Variants in ACSM4 observed in about 807,000 individuals in gnomAD.
ACSM4 encodes the protein acyl-CoA synthetase medium chain family member 4.
Under a neutral mutation model 73.0 loss-of-function variants are expected in ACSM4, and 66 were observed. That is an observed-to-expected ratio of 0.90 (90% CI 0.74 to 1.11). The LOEUF (loss-of-function observed/expected upper bound fraction) is 1.11. ACSM4 is among the 50% of genes least tolerant of loss of function. The pLI is 0.00. For synonymous variants in ACSM4, 222 were observed against 254.0 expected (o/e 0.87, Z 1.20); for missense variants, 645 against 714.4 (o/e 0.90, Z 1.11).
intron 3 of ACSM4, among the ~76,000 whole-genome samples, chr12:7,316,351 C>A (rs1271874625): frequency 6.6e-6 from 1 of 152,156 alleles, no homozygotes; most frequent in Non-Finnish European, 1.5e-5. Context: ...TGTACTTGCA[C>A]AACAATACTT....
intron 12 of ACSM4, 126 bp from the exon 13 acceptor site, chr12:7,328,161 T>G: frequency 4.7e-6 from 3 of 636,248 alleles, no homozygotes; most frequent in African/African-American, 1.9e-5. Context: ...TGAAATTCAA[T>G]GAGCTTAGGC....
intron 7 of ACSM4, 36 bp downstream of exon 7, chr12:7,322,577 G>A (rs778683599): frequency 3.8e-6 from 6 of 1,574,340 alleles, no homozygotes; most frequent in Non-Finnish European, 5.2e-6. Flanking sequence ...AGTATATGTG[G>A]GGGCCTTTCT....
At chr12:7,317,086 T>C (rs927257742) in intron 3 of ACSM4, 51 bp from the exon 4 acceptor site, 1 of 1,565,600 alleles carries the variant, frequency 6.4e-7, no homozygotes, top group African/African-American at 1.4e-5. Context: ...AATATCAGAG[T>C]CAAACTGGTC....
Position 7,328,353 on chromosome 12 carries a change from C to A in ACSM4, c.1723C>A (p.Gln575Lys). Residue 575 changes from glutamine (Q) to lysine (K), a missense_variant, in exon 13 of 13, where the codon CAA becomes AAA. Transcript: ENST00000399422. ...GKIKRNVLRD[Q>K]EWRGR Reference sequence around the variant, plus strand: ...AATCAAACGCAACGTTTTAAGAGACCAAGAATGGAGAGGAAGATAGTTTGA... The same window carrying A: ...AATCAAACGCAACGTTTTAAGAGACAAAGAATGGAGAGGAAGATAGTTTGA... 6.3e-7 allele frequency: 1 copy of A among 1,591,638 alleles called. No individual in the cohort carries two copies. Among genetic ancestry groups the A allele is most frequent in the South Asian group, 1.1e-5 (1 of 86,994 alleles).
Position 7,304,398 on chromosome 12 carries a change from T to C in ACSM4, c.67T>C (p.Leu23=). The C allele has an allele frequency of 6.2e-7, 1 of 1,613,890 alleles. No individual in the cohort carries two copies. Among genetic ancestry groups the C allele is most frequent in the South Asian group, 1.1e-5 (1 of 91,086 alleles). ...GCTCACCAAGCCACCTGGCCGGCGC[T>C]TACACAAAGATCACCAGCTTTGGAC... ...IWLTKPPGRR[L]HKDHQLWTPL... The change falls in exon 1 of 13, where the codon TTA becomes CTA. Residue 23 remains leucine, a synonymous_variant. Coordinates refer to ENST00000399422, the MANE Select transcript of ACSM4 (RefSeq NM_001080454.2).
At chr12:7,317,406 G>A in intron 4 of ACSM4, 126 bp downstream of exon 4, 2 of 1,321,074 alleles carry the variant, frequency 1.5e-6, no homozygotes, top group African/African-American at 3.0e-5. Context: ...CTACAAAACA[G>A]AACTCTTGCT....
chr12:7,313,203 C>A (rs535806971), intron 3 of ACSM4, among the ~76,000 whole-genome samples: 13 of 152,068 alleles, frequency 8.5e-5, no homozygotes, highest in Non-Finnish European at 1.8e-4. Flanking sequence ...CTATTGAGTC[C>A]CCAAGAAACT....
intron 3 of ACSM4, among the ~76,000 whole-genome samples, chr12:7,311,691 T>C (rs1002337176): frequency 5.3e-5 from 8 of 152,148 alleles, no homozygotes; most frequent in Admixed American, 5.2e-4. Flanking sequence ...TTGTTGTTGT[T>C]GTTGTTGTTT....
chr12:7,317,329 G>A (rs1456593300), intron 4 of ACSM4, 49 bp downstream of exon 4: 43 of 1,511,384 alleles, frequency 2.8e-5, no homozygotes, highest in Non-Finnish European at 3.7e-5. Flanking sequence ...CCAAAGCTGC[G>A]AATATGCGTA....
At chr12:7,321,044 T>C (rs1426546912) in intron 6 of ACSM4, among the ~76,000 whole-genome samples, 1 of 152,154 alleles carries the variant, frequency 6.6e-6, no homozygotes, top group African/African-American at 2.4e-5. Context: ...AAATCAAAAA[T>C]GTCCCTAGAC....
intron 6 of ACSM4, 49 bp from the exon 7 acceptor site, chr12:7,322,369 A>T (rs1235417699): frequency 1.2e-6 from 2 of 1,611,222 alleles, no homozygotes; most frequent in Admixed American, 3.3e-5. Flanking sequence ...CTTGCAGTGA[A>T]AGCACTCAGG....
intron 1 of ACSM4, among the ~76,000 whole-genome samples, chr12:7,306,218 C>T (rs1327190818): frequency 6.6e-6 from 1 of 152,222 alleles, no homozygotes; most frequent in Non-Finnish European, 1.5e-5. Flanking sequence ...AACCCATAGA[C>T]AAGTTTTGTA....
At chr12:7,315,974 CTA>C (rs1472338712) in intron 3 of ACSM4, among the ~76,000 whole-genome samples, 1 of 152,166 alleles carries the variant, frequency 6.6e-6, no homozygotes, top group Non-Finnish European at 1.5e-5. Flanking sequence ...AAAATGAAAA[CTA>C]TGAAGTTTCT....
intron 6 of ACSM4, 98 bp from the exon 7 acceptor site, chr12:7,322,320 T>C: frequency 6.5e-7 from 1 of 1,542,976 alleles, no homozygotes; most frequent in Non-Finnish European, 8.9e-7. Flanking sequence ...GACTTGCCTC[T>C]CCTAGCTGCT....
In ACSM4 at chr12:7,307,880, A is replaced by G. The variant is rs77270761; in HGVS notation, c.412+1137A>G. ...TGAAAAGTTTTCCAATTCCTGCTCT[A>G]AAACATGGCATAAATGTTTATAAGT... On this transcript the variant is annotated intron_variant, in intron 2 of 12. Transcript: ENST00000399422. 8.6e-3 allele frequency among the ~76,000 whole-genome samples: 1,303 copies of G among 152,344 alleles called. 17 individuals are homozygous for G. The highest frequency in any genetic ancestry group is 0.03 in the African/African-American group (1,233 of 41,578).
At chr12:7,322,282 C>G in intron 6 of ACSM4, 136 bp from the exon 7 acceptor site, 2 of 1,239,078 alleles carry the variant, frequency 1.6e-6, no homozygotes, top group Non-Finnish European at 2.3e-6. Context: ...AGGTGTTCAA[C>G]AAGTATTTGT....
chr12:7,309,591 C>T (rs1258026284), intron 2 of ACSM4, among the ~76,000 whole-genome samples: 1 of 152,100 alleles, frequency 6.6e-6, no homozygotes, highest in Non-Finnish European at 1.5e-5. Context: ...TAAACAGGGA[C>T]GGAATCTCAC....
intron 3 of ACSM4, 22 bp downstream of exon 3, chr12:7,310,768 T>A: frequency 1.2e-6 from 2 of 1,601,822 alleles, no homozygotes; most frequent in Non-Finnish European, 1.7e-6. Flanking sequence ...TCCCAGCCAA[T>A]CTACACTGCT....
rs778243574 is a variant in ACSM4 at position 7,324,509 on chromosome 12, G to C, written c.1447G>C (p.Gly483Arg). 6.2e-7 allele frequency: 1 copy of C among 1,613,818 alleles called. No individual in the cohort carries two copies. ...DVIISSGYRIGPFEVESALIE... is the reference protein window; with the variant it reads ...DVIISSGYRIRPFEVESALIE... The stretch of plus-strand genomic sequence containing the variant: ...TCTTTTCCTCTTCAGGTACCGTATT[G>C]GGCCATTTGAAGTGGAGAGTGCACT... The change falls in exon 11 of 13, where the codon GGG (glycine) becomes CGG (arginine). Residue 483 changes from glycine to arginine, a missense_variant. Coordinates refer to ENST00000399422, the MANE Select transcript of ACSM4 (RefSeq NM_001080454.2).
Sources: allele counts gnomAD v4.1 joint callset (sites outside exome capture counted in the v4.1 genomes callset), GRCh38; gene constraint gnomAD v4.1.1; transcripts MANE v1.5; gene names NCBI Gene and HGNC (gene_info 2026-07-23, HGNC 2026-07-21).